PCDHA6: variants seen among roughly 807,000 people sequenced by gnomAD.
PCDHA6 encodes the protein protocadherin alpha-6.
Under a neutral mutation model 60.3 loss-of-function variants are expected in PCDHA6, and 55 were observed. The observed-to-expected ratio is 0.91, with a 90% CI of 0.73 to 1.14. PCDHA6 has a LOEUF of 1.14. Ranked by LOEUF, PCDHA6 falls within the 50% of genes most tolerant of loss-of-function variation. The pLI is 0.00. For synonymous variants in PCDHA6, 652 were observed against 557.9 expected, an observed-to-expected ratio of 1.17 and a Z score of -2.38; for missense variants, 1,327 against 1,256.5, an observed-to-expected ratio of 1.06 and a Z score of -0.85.
chr5:140,872,075 C>T (rs1452265862), intron 1 of PCDHA6, among the ~76,000 whole-genome samples: 1 of 152,234 alleles, frequency 6.6e-6, no homozygotes, highest in Non-Finnish European at 1.5e-5. Flanking sequence ...GCTGGGAATG[C>T]AGTGCCACTG....
chr5:140,896,782 T>C (rs2065751809), intron 1 of PCDHA6, among the ~76,000 whole-genome samples: 1 of 152,206 alleles, frequency 6.6e-6, no homozygotes, highest in African/African-American at 2.4e-5. Context: ...AGTTTGCTGA[T>C]ATTTTCTCCC....
At chr5:140,855,951 G>A (rs923077189) in intron 1 of PCDHA6, 2 of 1,372,088 alleles carry the variant, frequency 1.5e-6, no homozygotes, top group South Asian at 1.4e-5. Context: ...CAGCCATTTC[G>A]ATAAAAAATA....
At chr5:140,928,293 G>A (rs782241081) in intron 1 of PCDHA6, 1 of 1,614,150 alleles carries the variant, frequency 6.2e-7, no homozygotes, top group South Asian at 1.1e-5. Flanking sequence ...TAGGCCGAGT[G>A]TTTGCCCAGG....
chr5:140,877,994 G>A lies in PCDHA6; in HGVS notation c.2394+47509G>A, dbSNP rs1349448705. On this transcript the variant is annotated intron_variant, in intron 1 of 3. Coordinates refer to ENST00000529310, the MANE Select transcript of PCDHA6 (RefSeq NM_018909.4). Reference sequence around the variant, plus strand: ...ATTCTTACTCATTTTGAACTTTTATGTATTTGTCTAACATTAATGAAGGAA... The same window carrying A: ...ATTCTTACTCATTTTGAACTTTTATATATTTGTCTAACATTAATGAAGGAA... The A allele has an allele frequency of 8.3e-6, 9 of 1,078,340 alleles. No homozygotes were observed. The Admixed American group carries it at 1.0e-4, about 12-fold the overall frequency. 66.8% of individuals were successfully genotyped at this position (1,078,340 alleles called of 1,614,324 possible). A position where few individuals can be genotyped will look rare whatever the true frequency, so the allele number is the denominator to read the frequency against.
At chr5:140,844,298 G>A (rs1779310568) in intron 1 of PCDHA6, among the ~76,000 whole-genome samples, 1 of 149,300 alleles carries the variant, frequency 6.7e-6, no homozygotes, top group Admixed American at 6.7e-5. Flanking sequence ...AAATTTGATA[G>A]TTTTCATATT....
chr5:141,003,322 G>A (rs1588017257), intron 3 of PCDHA6, among the ~76,000 whole-genome samples: 1 of 152,242 alleles, frequency 6.6e-6, no homozygotes, highest in East Asian at 1.9e-4. Flanking sequence ...ACTTCCAGAG[G>A]GCAGGGTTTT....
At chr5:140,835,810 C>T (rs2150245361) in intron 1 of PCDHA6, 3 of 1,612,990 alleles carry the variant, frequency 1.9e-6, no homozygotes, top group Non-Finnish European at 2.5e-6. Flanking sequence ...CACATCTTCA[C>T]TGTGTCGGCG....
At chr5:141,007,328 A>G (rs1018961755) in intron 3 of PCDHA6, among the ~76,000 whole-genome samples, 1 of 149,092 alleles carries the variant, frequency 6.7e-6, no homozygotes, top group African/African-American at 2.5e-5. Context: ...AAGTGGACAG[A>G]TTGCCTGAGC....
chr5:140,838,003 A>T lies in PCDHA6; in HGVS notation c.2394+7518A>T, dbSNP rs2150281807. Among the ~76,000 whole-genome samples, 108 of 151,040 alleles carry T rather than the reference A, an allele frequency of 7.2e-4. 1 individual carries two copies. Among genetic ancestry groups the T allele is most frequent in the East Asian group, 2.3e-3 (12 of 5,140 alleles). On this transcript the variant is annotated intron_variant, in intron 1 of 3. Coordinates refer to ENST00000529310, the MANE Select transcript of PCDHA6 (RefSeq NM_018909.4). ...CTGCCTTTCATCTTTCCTTTTTTTTAAAAAAAGAAGTGATTACAGTAGAAA... is the reference window on the plus strand; with the variant it reads ...CTGCCTTTCATCTTTCCTTTTTTTTTAAAAAAGAAGTGATTACAGTAGAAA...
At position 140,851,057 on chromosome 5, in the gene PCDHA6, C is replaced by T; in HGVS notation, c.2394+20572C>T. The T allele has an allele frequency of 2.9e-6, 4 of 1,378,132 alleles. No homozygotes were observed. In the African/African-American group the frequency reaches 4.4e-5, roughly 15 times the overall value. 85.4% of individuals were successfully genotyped at this position (1,378,132 alleles called of 1,614,324 possible). ...AACATTGGAGCCGACTTTGTCTTGA[C>T]TTCTAGTGAGAATTATAAACTGTAT... On this transcript the variant is annotated intron_variant, in intron 1 of 3. Transcript: ENST00000529310.
At chr5:140,835,774 T>C in intron 1 of PCDHA6, 3 of 1,613,040 alleles carry the variant, frequency 1.9e-6, no homozygotes, top group Non-Finnish European at 2.5e-6. Context: ...ACGGTGTTCG[T>C]GAAGGAGAAC....
In PCDHA6 at chr5:140,875,735, C is replaced by A. The variant is rs376701509; in HGVS notation, c.2394+45250C>A. The stretch of plus-strand genomic sequence containing the variant: ...CAGAATGGCATTTTGTTTGTGAATT[C>A]TCGGATCGACCGCGAGAAGCTGTGC... On this transcript the variant is annotated intron_variant, in intron 1 of 3. Coordinates refer to ENST00000529310, the MANE Select transcript of PCDHA6 (RefSeq NM_018909.4). 16 of 1,614,114 alleles carry A rather than the reference C, an allele frequency of 9.9e-6. No homozygotes were observed. In the Middle Eastern group the frequency reaches 4.9e-4, roughly 50 times the overall value.
chr5:140,858,889 AT>A (rs2045644235), intron 1 of PCDHA6: 2 of 236,178 alleles, frequency 8.5e-6, no homozygotes, highest in African/African-American at 2.4e-5. Context: ...CATGTGTAGA[AT>A]ATGTGTAGCG....
At chr5:140,989,894 T>C (rs907697062) in intron 3 of PCDHA6, among the ~76,000 whole-genome samples, 7 of 151,812 alleles carry the variant, frequency 4.6e-5, no homozygotes, top group Admixed American at 3.3e-4. Context: ...GTCTCCGTTA[T>C]TCACAATCAG....
At chr5:140,871,521 CA>C in intron 1 of PCDHA6, 1 of 1,553,236 alleles carries the variant, frequency 6.4e-7, no homozygotes, top group Non-Finnish European at 8.7e-7. Context: ...TTCCACCTAT[CA>C]GGAAGTGTAT....
At chr5:140,893,655 T>G (rs894439477) in intron 1 of PCDHA6, among the ~76,000 whole-genome samples, 1 of 152,200 alleles carries the variant, frequency 6.6e-6, no homozygotes, top group Non-Finnish European at 1.5e-5. Flanking sequence ...GCTGATAGTT[T>G]TAAAAAATTT....
chr5:140,855,819 C>T, intron 1 of PCDHA6: 1 of 524,234 alleles, frequency 1.9e-6, no homozygotes, highest in Non-Finnish European at 3.4e-6. Flanking sequence ...AAGTTGTGAA[C>T]TCATGGAATC....
Position 140,828,319 on chromosome 5 carries a change from G to A in PCDHA6, c.228G>A (p.Glu76=), listed in dbSNP as rs2150153971. The A allele has an allele frequency of 4.5e-5, 73 of 1,614,234 alleles. No individual in the cohort carries two copies. In the East Asian group the frequency reaches 1.0e-3, roughly 23 times the overall value. The change falls in exon 1 of 4, where the codon GAG becomes GAA. Residue 76 remains glutamate (E), a synonymous_variant. Coordinates refer to ENST00000529310, the MANE Select transcript of PCDHA6 (RefSeq NM_018909.4). ...MASKDREDLL[E]VNLQNGILFV... The stretch of plus-strand genomic sequence containing the variant: ...CCAAAGACCGCGAGGACCTTCTGGA[G>A]GTAAATCTGCAGAATGGCATTTTGT...
intron 3 of PCDHA6, chr5:140,989,125 T>G (rs2097330563): frequency 6.6e-6 from 1 of 152,152 alleles, no homozygotes; most frequent in Non-Finnish European, 1.5e-5. Context: ...CTTAGAAAAA[T>G]AAGACACTTT....
Sources: gnomAD v4.1 joint callset for allele counts (sites outside exome capture counted in the v4.1 genomes callset) on GRCh38, gnomAD v4.1.1 for gene constraint, MANE v1.5 for transcripts, NCBI Gene and HGNC (gene_info 2026-07-23, HGNC 2026-07-21) for gene names.